The following BLM variants were observed in gnomAD, a reference collection of about 807,000 sequenced individuals.
BLM encodes the protein BLM RecQ like helicase, also known as recQ-like DNA helicase BLM.
BLM carries 95 observed loss-of-function variants against 135.3 expected under a neutral mutation model. The ratio of observed to expected loss-of-function variants is 0.70; its 90% CI spans 0.59 to 0.83. The LOEUF is 0.83. Among genes scored for constraint, BLM ranks in the 40% least tolerant of loss-of-function variants. The probability of loss-of-function intolerance (pLI) is 0.00; values close to 1 mark genes in which losing one functional copy is unlikely to be tolerated. For synonymous variants in BLM, 520 were observed against 589.2 expected (o/e 0.88, Z 1.70); for missense variants, 1,518 against 1,663.9 (o/e 0.91, Z 1.53).
chr15:90,766,298 A>C (rs1896124651), intron 9 of BLM, among the ~76,000 whole-genome samples: 1 of 152,236 alleles, frequency 6.6e-6, no homozygotes, highest in Non-Finnish European at 1.5e-5. Flanking sequence ...ATCTAAAAAA[A>C]AGATGCCATA....
At chr15:90,797,120 A>T (rs1431971254) in intron 16 of BLM, among the ~76,000 whole-genome samples, 1 of 152,130 alleles carries the variant, frequency 6.6e-6, no homozygotes, top group Non-Finnish European at 1.5e-5. Flanking sequence ...ATCACCAAGA[A>T]TTAAGGTAGA....
In BLM at chr15:90,763,001, A is replaced by G; in HGVS notation, c.1918A>G (p.Lys640Glu). The change falls in exon 8 of 22, where the codon AAA becomes GAA. Residue 640 changes from lysine to glutamate, a missense_variant. Physicochemically the swap from Lys to Glu is moderately conservative, Grantham distance 56 (BLOSUM62 1). Around this residue, in one of 5 missense-constraint regions of BLM, gnomAD observed 724 missense variants for 756.9 expected, o/e 0.96. Coordinates refer to ENST00000355112, the MANE Select transcript of BLM (RefSeq NM_000057.4). ...ACAAAATTTAGCATCCAGAAATCTG[A>G]AACATGAGCGTTTCCAAAGTCTTAG... The part of the protein sequence containing the change: ...SAQNLASRNL[K>E]HERFQSLSFP... 6.2e-7 allele frequency: 1 copy of G among 1,613,600 alleles called. No homozygotes were observed. The highest frequency in any genetic ancestry group is 8.5e-7 in the Non-Finnish European group (1 of 1,179,898).
In BLM at chr15:90,754,082, C is replaced by T. The variant is rs9282622; in HGVS notation, c.960-729C>T. On this transcript the variant is annotated intron_variant, in intron 4 of 21. Coordinates refer to ENST00000355112, the MANE Select transcript of BLM (RefSeq NM_000057.4). ...TTAAAATCTTTCTTTCATAGTCTGACACTTTCCCCATACTTGTCATTCAGT... is the reference window on the plus strand; with the variant it reads ...TTAAAATCTTTCTTTCATAGTCTGATACTTTCCCCATACTTGTCATTCAGT... 2.6e-3 allele frequency among the ~76,000 whole-genome samples: 401 copies of T among 152,306 alleles called. 3 individuals are homozygous for T. The highest frequency in any genetic ancestry group is 9.2e-3 in the African/African-American group (381 of 41,574).
chr15:90,802,357 A>G (rs991029589), intron 17 of BLM, among the ~76,000 whole-genome samples: 2 of 152,232 alleles, frequency 1.3e-5, no homozygotes, highest in East Asian at 3.8e-4. Flanking sequence ...TTGTTACAAT[A>G]AAGTTGTGTT....
intron 12 of BLM, among the ~76,000 whole-genome samples, chr15:90,772,719 G>A (rs1043219550): frequency 2.0e-5 from 3 of 152,160 alleles, no homozygotes; most frequent in Non-Finnish European, 2.9e-5. Flanking sequence ...GACAAGATAA[G>A]CTAGAACCCC....
chr15:90,749,216 G>C (rs1196500234), intron 2 of BLM, 151 bp from the exon 3 acceptor site: 28 of 624,480 alleles, frequency 4.5e-5, no homozygotes, highest in Non-Finnish European at 7.1e-5. Context: ...TAAGTTACCT[G>C]ATAAATTTAA....
intron 1 of BLM, among the ~76,000 whole-genome samples, chr15:90,729,535 G>A (rs1464425482): frequency 6.6e-6 from 1 of 152,058 alleles, no homozygotes; most frequent in African/African-American, 2.4e-5. Flanking sequence ...CATTATCAAA[G>A]CCAGCAACTT....
At chr15:90,724,296 A>G (rs1312201143) in intron 1 of BLM, among the ~76,000 whole-genome samples, 1 of 152,194 alleles carries the variant, frequency 6.6e-6, no homozygotes, top group African/African-American at 2.4e-5. Flanking sequence ...TACAAGCATG[A>G]GCCACTTCAT....
chr15:90,746,471 G>A (rs1337507452), intron 1 of BLM, among the ~76,000 whole-genome samples: 1 of 152,140 alleles, frequency 6.6e-6, no homozygotes, highest in Non-Finnish European at 1.5e-5. Flanking sequence ...TTTCTCAATT[G>A]GATGTAACTT....
At chr15:90,799,626 TAAAAAAAAAAAAAA>T (rs10600094) in intron 17 of BLM, among the ~76,000 whole-genome samples, 2 of 108,748 alleles carry the variant, frequency 1.8e-5, no homozygotes, top group Non-Finnish European at 1.8e-5. Flanking sequence ...AAGATGCCTG[TAAAAAAAAAAAAAA>T]AAAAAAAAAA....
In BLM at chr15:90,750,029, A is replaced by G; in HGVS notation, c.761A>G (p.Glu254Gly). ...AEVHINEDAQ[E>G]SDSLKTHLED... ...GTGCATATAAATGAAGATGCTCAGG[A>G]AAGTGACTCTCTGAAAACTCATTTG... The change falls in exon 3 of 22, where the codon GAA becomes GGA. Residue 254 changes from glutamate to glycine, a missense_variant. Glu to Gly is a moderately conservative substitution (Grantham distance 98, BLOSUM62 -2). Transcript: ENST00000355112. The G allele has an allele frequency of 4.3e-6, 7 of 1,614,222 alleles. No individual in the cohort carries two copies. The highest frequency in any genetic ancestry group is 5.9e-6 in the Non-Finnish European group (7 of 1,180,040).
chr15:90,809,787 C>T (rs994115753), intron 20 of BLM, among the ~76,000 whole-genome samples: 3 of 152,152 alleles, frequency 2.0e-5, no homozygotes, highest in Non-Finnish European at 4.4e-5. Flanking sequence ...CCCGGAGTCA[C>T]GTTAGGCCTG....
At chr15:90,803,438 A>T in intron 17 of BLM, 83 bp from the exon 18 acceptor site, 1 of 1,301,664 alleles carries the variant, frequency 7.7e-7, no homozygotes, top group South Asian at 1.2e-5. Context: ...AAACCTGTCC[A>T]TAAATGACTT....
chr15:90,774,177 C>T (rs1402750000), intron 12 of BLM, among the ~76,000 whole-genome samples: 1 of 147,600 alleles, frequency 6.8e-6, no homozygotes, highest in Non-Finnish European at 1.5e-5. Flanking sequence ...TGGGTTCAAG[C>T]GATTCTCCTG....
chr15:90,722,586 CTG>C (rs1455347228), intron 1 of BLM, among the ~76,000 whole-genome samples: 1 of 151,802 alleles, frequency 6.6e-6, no homozygotes, highest in African/African-American at 2.4e-5. Flanking sequence ...GAATGAGACT[CTG>C]TCTCAAAAAA....
At chr15:90,767,715 G>A (rs756920503) in intron 10 of BLM, among the ~76,000 whole-genome samples, 1 of 152,088 alleles carries the variant, frequency 6.6e-6, no homozygotes, top group Admixed American at 6.6e-5. Flanking sequence ...AGACTTCTCC[G>A]CTGTAAAGTT....
intron 10 of BLM, 61 bp from the exon 11 acceptor site, chr15:90,769,072 C>G: frequency 7.4e-7 from 1 of 1,343,650 alleles, no homozygotes; most frequent in Non-Finnish European, 1.1e-6. Flanking sequence ...ATTTGAAGAC[C>G]ACAGAATCAT....
intron 5 of BLM, chr15:90,755,163 T>G (rs2033457790): frequency 1.8e-6 from 1 of 568,992 alleles, no homozygotes; most frequent in Non-Finnish European, 3.1e-6. Flanking sequence ...ATTTTGAAAA[T>G]GCTACTTGTT....
chr15:90,729,173 G>A (rs1894997503), intron 1 of BLM, among the ~76,000 whole-genome samples: 1 of 152,116 alleles, frequency 6.6e-6, no homozygotes, highest in Non-Finnish European at 1.5e-5. Context: ...AGCCAGGCAT[G>A]GTGGTACGCG....
Sources: allele counts gnomAD v4.1 joint callset (sites outside exome capture counted in the v4.1 genomes callset), GRCh38; gene constraint gnomAD v4.1.1; regional missense constraint gnomAD v4.1.1; transcripts MANE v1.5; gene names NCBI Gene and HGNC (gene_info 2026-07-23, HGNC 2026-07-21).